The following KLHL1 variants were observed in gnomAD, a reference collection of about 807,000 sequenced individuals.
KLHL1 encodes the protein kelch like family member 1, also known as kelch-like protein 1.
A neutral mutation model predicts 77.7 loss-of-function variants in KLHL1; 47 were observed. That is an observed-to-expected ratio of 0.60 (90% CI 0.48 to 0.77). The LOEUF (loss-of-function observed/expected upper bound fraction) is 0.77, where lower values mean the gene tolerates loss of function less well. Ranked by LOEUF, KLHL1 falls within the 30% of genes least tolerant of loss-of-function variation. KLHL1 has a pLI of 0.00. For missense variants in KLHL1, 925 were observed against 910.8 expected (o/e 1.02, Z -0.20); for synonymous variants, 360 against 325.2 (o/e 1.11, Z -1.15).
Position 70,062,581 on chromosome 13 carries a change from A to G in KLHL1, c.497+44622T>C, listed in dbSNP as rs551908612. Among the ~76,000 whole-genome samples, 150 of 152,314 alleles carry G rather than the reference A, an allele frequency of 9.8e-4. 1 individual carries two copies. The highest frequency in any genetic ancestry group is 3.4e-3 in the Middle Eastern group (1 of 294). On this transcript the variant is annotated intron_variant, in intron 1 of 10. Transcript: ENST00000377844. ...ATTCTGCACATGTACCCCAGAGCTT[A>G]AAGTATAATAAAATTATTAGTGCAC... is the stretch of plus-strand genomic sequence containing the variant.
At chr13:70,085,503 A>AT (rs559629952) in intron 1 of KLHL1, among the ~76,000 whole-genome samples, 2 of 152,162 alleles carry the variant, frequency 1.3e-5, no homozygotes, top group Non-Finnish European at 2.9e-5. Context: ...TAAATGTTTA[A>AT]TTTTTTTATA....
intron 9 of KLHL1, among the ~76,000 whole-genome samples, chr13:69,714,116 G>A (rs567397508): frequency 6.6e-6 from 1 of 152,212 alleles, no homozygotes; most frequent in East Asian, 1.9e-4. Flanking sequence ...CAGAAAGGAA[G>A]ATGGAAAAAA....
chr13:70,004,449 T>G (rs1241783232), intron 1 of KLHL1, among the ~76,000 whole-genome samples: 2 of 151,916 alleles, frequency 1.3e-5, no homozygotes, highest in East Asian at 3.9e-4. Context: ...TCTTAGAAGG[T>G]TATAGCTTGA....
At chr13:69,781,811 TCTGA>T (rs1195768192) in intron 7 of KLHL1, among the ~76,000 whole-genome samples, 7 of 152,204 alleles carry the variant, frequency 4.6e-5, no homozygotes, top group African/African-American at 9.6e-5. Context: ...TATTTTTCTT[TCTGA>T]CTTTCACTTT....
At chr13:70,057,469 C>CAAAAAAAAAAAAAAA (rs56235725) in intron 1 of KLHL1, among the ~76,000 whole-genome samples, 1 of 87,112 alleles carries the variant, frequency 1.1e-5, no homozygotes, top group Non-Finnish European at 2.2e-5. Flanking sequence ...AAAGACACAT[C>CAAAAAAAAAAAAAAA]AAAAAAAAAA....
chr13:69,875,221 G>T (rs1340275052), intron 5 of KLHL1, among the ~76,000 whole-genome samples: 1 of 151,952 alleles, frequency 6.6e-6, no homozygotes, highest in African/African-American at 2.4e-5. Flanking sequence ...GAGAATGATG[G>T]TTAAGTAAAA....
intron 4 of KLHL1, among the ~76,000 whole-genome samples, chr13:69,890,201 C>A (rs576537742): frequency 4.7e-5 from 7 of 150,522 alleles, no homozygotes; most frequent in Non-Finnish European, 1.0e-4. Context: ...TAAAAGAGAC[C>A]AGACTACATT....
chr13:69,779,324 A>C (rs1272736256), intron 7 of KLHL1, among the ~76,000 whole-genome samples: 1 of 124,032 alleles, frequency 8.1e-6, no homozygotes, highest in Non-Finnish European at 1.8e-5. Context: ...TCTGTTAAAA[A>C]AGGTCTTCCT....
chr13:70,017,221 A>G (rs553188272), intron 1 of KLHL1, among the ~76,000 whole-genome samples: 48 of 152,324 alleles, frequency 3.2e-4, no homozygotes, highest in African/African-American at 1.2e-3. Flanking sequence ...CCTACTTGCC[A>G]TGTTGCCAGT....
intron 8 of KLHL1, among the ~76,000 whole-genome samples, chr13:69,736,058 A>C (rs945625839): frequency 4.6e-5 from 7 of 152,132 alleles, no homozygotes; most frequent in African/African-American, 1.7e-4. Context: ...AAACTAAAAA[A>C]GTTCTGCACA....
chr13:69,874,101 G>C (rs1323986353), intron 5 of KLHL1, among the ~76,000 whole-genome samples: 1 of 152,016 alleles, frequency 6.6e-6, no homozygotes, highest in Non-Finnish European at 1.5e-5. Flanking sequence ...TAATTGTTTA[G>C]AATTGGCAAG....
intron 1 of KLHL1, among the ~76,000 whole-genome samples, chr13:70,048,593 C>T (rs906932969): frequency 5.3e-5 from 8 of 152,190 alleles, no homozygotes; most frequent in African/African-American, 1.4e-4. Flanking sequence ...GGTAGAGAAG[C>T]GGGGGCGGTT....
intron 1 of KLHL1, among the ~76,000 whole-genome samples, chr13:70,035,959 T>C (rs540475630): frequency 5.3e-5 from 8 of 152,210 alleles, no homozygotes; most frequent in African/African-American, 1.9e-4. Context: ...TTAGCAATTA[T>C]GTAATACATT....
intron 4 of KLHL1, among the ~76,000 whole-genome samples, chr13:69,926,733 G>A (rs1229459833): frequency 6.6e-6 from 1 of 151,674 alleles, no homozygotes; most frequent in African/African-American, 2.4e-5. Context: ...GGATCACGAG[G>A]CCAGGAGATG....
At chr13:69,781,779 C>T (rs1876225744) in intron 7 of KLHL1, among the ~76,000 whole-genome samples, 1 of 152,038 alleles carries the variant, frequency 6.6e-6, no homozygotes, top group Non-Finnish European at 1.5e-5. Context: ...CTGTGTTGTA[C>T]TTTAGATTAA....
intron 2 of KLHL1, among the ~76,000 whole-genome samples, chr13:69,970,626 T>C (rs2137284425): frequency 6.6e-6 from 1 of 152,130 alleles, no homozygotes; most frequent in South Asian, 2.1e-4. Context: ...TGCCACCACC[T>C]CTCCTGACTC....
intron 5 of KLHL1, among the ~76,000 whole-genome samples, chr13:69,880,857 G>GA (rs1174843195): frequency 1.3e-5 from 2 of 152,180 alleles, no homozygotes; most frequent in Non-Finnish European, 2.9e-5. Context: ...GAAATGGGAA[G>GA]AGAGTAATGA....
At chr13:69,926,888 A>G (rs1882832309) in intron 4 of KLHL1, among the ~76,000 whole-genome samples, 1 of 135,178 alleles carries the variant, frequency 7.4e-6, no homozygotes, top group African/African-American at 2.7e-5. Context: ...CAGAGCTTGC[A>G]GTGAGCTAAG....
intron 1 of KLHL1, among the ~76,000 whole-genome samples, chr13:69,989,604 C>T (rs921846953): frequency 2.6e-5 from 4 of 151,760 alleles, no homozygotes; most frequent in African/African-American, 9.7e-5. Context: ...ATGAAATATT[C>T]TTCCATTTGT....
Sources: allele counts gnomAD v4.1 joint callset (sites outside exome capture counted in the v4.1 genomes callset), GRCh38; gene constraint gnomAD v4.1.1; transcripts MANE v1.5; gene names NCBI Gene and HGNC (gene_info 2026-07-23, HGNC 2026-07-21).